Variants in MN1 observed in about 807,000 individuals in gnomAD.
MN1 encodes transcriptional activator MN1.
Under a neutral mutation model 86.9 loss-of-function variants are expected in MN1, and 19 were observed. That is an observed-to-expected ratio of 0.22 (90% CI 0.15 to 0.32). The LOEUF is 0.32. Among genes scored for constraint, MN1 ranks in the 10% least tolerant of loss-of-function variants. The probability of loss-of-function intolerance (pLI) is 1.00; values close to 1 mark genes in which losing one functional copy is unlikely to be tolerated. For synonymous variants in MN1, 928 were observed against 849.6 expected (o/e 1.09, Z -1.60); for missense variants, 1,841 against 1,862.0 (o/e 0.99, Z 0.21).
At position 27,799,042 on chromosome 22, in the gene MN1, G is replaced by A; in HGVS notation, c.1502C>T (p.Pro501Leu). ...YPGLPGEFTP[P>L]VPDSFPSGPP... is the part of the protein sequence containing the mutation. ...CCCCGAAGGGAAGCTGTCGGGCACAGGCGGTGTGAACTCGCCGGGTAGGCC... is the reference window on the plus strand; with the variant it reads ...CCCCGAAGGGAAGCTGTCGGGCACAAGCGGTGTGAACTCGCCGGGTAGGCC... Residue 501 changes from proline to leucine, a missense_variant, in exon 1 of 2, where the codon CCT becomes CTT. Coordinates refer to ENST00000302326, the MANE Select transcript of MN1 (RefSeq NM_002430.3). 1 of 1,611,882 alleles carries A rather than the reference G, an allele frequency of 6.2e-7. No homozygotes were observed. The highest frequency in any genetic ancestry group is 8.5e-7 in the Non-Finnish European group (1 of 1,179,180).
At position 27,788,471 on chromosome 22, in the gene MN1, G is replaced by A. The variant is rs899759482; in HGVS notation, c.3781+8292C>T. ...TTCAAAGCAGGCTAGGTTTTCTGCC[G>A]ACTTCCCCACCCCTTCTCTGATCAT... On this transcript the variant is annotated intron_variant, in intron 1 of 1. Coordinates refer to ENST00000302326, the MANE Select transcript of MN1 (RefSeq NM_002430.3). Among the ~76,000 whole-genome samples the A allele has an allele frequency of 3.9e-5, 6 of 151,918 alleles. No homozygotes were observed. In the East Asian group the frequency reaches 7.8e-4, roughly 20 times the overall value.
In MN1 at chr22:27,797,907, G is replaced by T. The variant is rs1211832836; in HGVS notation, c.2637C>A (p.Phe879Leu). Residue 879 changes from phenylalanine to leucine, a missense_variant, in exon 1 of 2, where the codon TTC becomes TTA. By Grantham distance (22) the Phe-to-Leu change is conservative (BLOSUM62 0). Coordinates refer to ENST00000302326, the MANE Select transcript of MN1 (RefSeq NM_002430.3). ...GGGCCCCAGGAGCAGTCCCTCCTGG[G>T]AAGTAATCCGAGCCCGGGTTGCCGG... is the stretch of plus-strand genomic sequence containing the variant. ...AVAGNPGSDYFPGGTAPGAPG... is the reference protein window; with the variant it reads ...AVAGNPGSDYLPGGTAPGAPG... The T allele has an allele frequency of 1.9e-6, 3 of 1,601,590 alleles. No homozygotes were observed. Among genetic ancestry groups the T allele is most frequent in the South Asian group, 1.1e-5 (1 of 89,978 alleles).
At chr22:27,768,917 T>A (rs1932891121) in intron 1 of MN1, among the ~76,000 whole-genome samples, 2 of 152,220 alleles carry the variant, frequency 1.3e-5, no homozygotes, top group African/African-American at 4.8e-5. Flanking sequence ...ACAGGGCCTA[T>A]GGAGGACATT....
At chr22:27,765,171 C>T (rs1277891843) in intron 1 of MN1, among the ~76,000 whole-genome samples, 3 of 152,316 alleles carry the variant, frequency 2.0e-5, no homozygotes, top group Non-Finnish European at 2.9e-5. Context: ...GAACCTGAGG[C>T]TCAGAGAGGT....
intron 1 of MN1, among the ~76,000 whole-genome samples, chr22:27,783,307 T>C (rs1381440877): frequency 6.6e-6 from 1 of 152,030 alleles, no homozygotes; most frequent in East Asian, 1.9e-4. Flanking sequence ...CATTTTTGTA[T>C]TTTTAGTAGA....
intron 1 of MN1, among the ~76,000 whole-genome samples, chr22:27,785,898 C>G (rs780429565): frequency 5.2e-4 from 79 of 152,180 alleles, no homozygotes; most frequent in Non-Finnish European, 1.9e-4. Flanking sequence ...AGGCCAGACA[C>G]CAATGTCCAT....
chr22:27,764,423 C>G (rs1352439510), intron 1 of MN1, among the ~76,000 whole-genome samples: 3 of 152,186 alleles, frequency 2.0e-5, no homozygotes, highest in African/African-American at 7.2e-5. Flanking sequence ...AGAAATCCAG[C>G]TTAGTTCCTC....
At chr22:27,785,411 C>T (rs2283847) in intron 1 of MN1, among the ~76,000 whole-genome samples, 73,913 of 152,162 alleles carry the variant, frequency 0.49, 18,800 homozygotes, top group Non-Finnish European at 0.56. Context: ...AGTCCTCCCC[C>T]ACATCTTACG....
chr22:27,753,080 G>A (rs1932779808), intron 1 of MN1, among the ~76,000 whole-genome samples: 1 of 152,252 alleles, frequency 6.6e-6, no homozygotes, highest in Non-Finnish European at 1.5e-5. Context: ...GAGCCCCAGA[G>A]ACACTCAGCT....
At chr22:27,784,196 C>G (rs1230594856) in intron 1 of MN1, among the ~76,000 whole-genome samples, 2 of 152,184 alleles carry the variant, frequency 1.3e-5, no homozygotes, top group African/African-American at 4.8e-5. Flanking sequence ...AGGGGATGCA[C>G]CTAGGGGATC....
Position 27,792,317 on chromosome 22 carries a change from CATATATATATATATAT to C in MN1, c.3781+4430_3781+4445del, listed in dbSNP as rs36207111. On this transcript the variant is annotated intron_variant, in intron 1 of 1. Transcript: ENST00000302326. ...AAAGCCCTTCAATCTATAAAAATTG[CATATATATATATATAT>C]ATATATATATATATATATGAATATA... 4.7e-4 allele frequency among the ~76,000 whole-genome samples: 54 copies of C among 114,056 alleles called. No homozygotes were observed. In the East Asian group the frequency reaches 5.1e-3, roughly 11 times the overall value. The allele number at this position is 114,056 out of a possible 152,430, so 74.8% of individuals were successfully genotyped here.
At chr22:27,756,332 C>A (rs186351771) in intron 1 of MN1, among the ~76,000 whole-genome samples, 1 of 152,188 alleles carries the variant, frequency 6.6e-6, no homozygotes, top group African/African-American at 2.4e-5. Context: ...CTAAAATCCG[C>A]GGACCAGGTT....
At chr22:27,764,897 C>G (rs1932858134) in intron 1 of MN1, among the ~76,000 whole-genome samples, 1 of 152,172 alleles carries the variant, frequency 6.6e-6, no homozygotes, top group African/African-American at 2.4e-5. Context: ...TCAAAACTGG[C>G]CCACTCCCTG....
At position 27,797,068 on chromosome 22, in the gene MN1, T is replaced by A. The variant is rs1348286073; in HGVS notation, c.3476A>T (p.Gln1159Leu). ...EIHPLEILQAQIQLQRQQFSI... is the reference protein window; with the variant it reads ...EIHPLEILQALIQLQRQQFSI... The stretch of plus-strand genomic sequence containing the variant: ...GAACTGCTGCCTCTGTAGCTGGATC[T>A]GCGCCTGAAGGATCTCCAGGGGGTG... Residue 1159 changes from glutamine (Q) to leucine (L), a missense_variant, in exon 1 of 2, where the codon CAG (glutamine) becomes CTG (leucine). Physicochemically the swap from Gln to Leu is moderately radical, Grantham distance 113. Coordinates refer to ENST00000302326, the MANE Select transcript of MN1 (RefSeq NM_002430.3). 1 of 1,612,000 alleles carries A rather than the reference T, an allele frequency of 6.2e-7. No individual in the cohort carries two copies. The highest frequency in any genetic ancestry group is 8.5e-7 in the Non-Finnish European group (1 of 1,179,532).
rs144878216 is a variant in MN1, at chr22:27,753,342, C to T, written c.3782-2246G>A. On this transcript the variant is annotated intron_variant, in intron 1 of 1. Transcript: ENST00000302326. ...TCACTTTGAAGTCACAGCCCCACTA[C>T]TGTGTGGCCAAGGCTCTACCATGTT... Among the ~76,000 whole-genome samples, 64 of 152,344 alleles carry T rather than the reference C, an allele frequency of 4.2e-4. 2 individuals are homozygous for T. The Middle Eastern group carries it at 0.027, about 65-fold the overall frequency.
In MN1 at chr22:27,751,014, G is replaced by A. The variant is rs757168083; in HGVS notation, c.3864C>T (p.Asp1288=). The A allele has an allele frequency of 2.2e-5, 36 of 1,612,912 alleles. No homozygotes were observed. Among genetic ancestry groups the A allele is most frequent in the African/African-American group, 2.7e-5 (2 of 74,904 alleles). The stretch of plus-strand genomic sequence containing the variant: ...AGGCTCGAGCCTTGGCGTCACCCAC[G>A]TCGTCTGTGCAGTGGACAGACAGGC... ...LQCLSVHCTD[D]VGDAKARASV... Residue 1288 remains aspartate (D), a synonymous_variant, in exon 2 of 2, where the codon GAC becomes GAT. Coordinates refer to ENST00000302326, the MANE Select transcript of MN1 (RefSeq NM_002430.3).
At chr22:27,752,256 A>G (rs1337578160) in intron 1 of MN1, among the ~76,000 whole-genome samples, 2 of 152,164 alleles carry the variant, frequency 1.3e-5, no homozygotes, top group African/African-American at 4.8e-5. Flanking sequence ...CAGGCTGTTG[A>G]TATGTACAAG....
Position 27,751,029 on chromosome 22 carries a change from G to A in MN1, c.3849C>T (p.Val1283=), listed in dbSNP as rs373855008. The change falls in exon 2 of 2, where the codon GTC becomes GTT. Residue 1283 remains valine (V), a synonymous_variant. Transcript: ENST00000302326. ...CGTCACCCACGTCGTCTGTGCAGTG[G>A]ACAGACAGGCACTGCAAGTGGCTGC... is the stretch of plus-strand genomic sequence containing the variant. The part of the protein sequence containing the change: ...QPGSHLQCLS[V]HCTDDVGDAK... 22 of 1,609,744 alleles carry A rather than the reference G, an allele frequency of 1.4e-5. No individual in the cohort carries two copies. The highest frequency in any genetic ancestry group is 1.9e-5 in the Non-Finnish European group (22 of 1,177,316).
chr22:27,760,004 G>A (rs113336930), intron 1 of MN1, among the ~76,000 whole-genome samples: 6,860 of 152,224 alleles, frequency 0.045, 518 homozygotes, highest in African/African-American at 0.16. Flanking sequence ...GATTGCTTAA[G>A]GCCAGGAGTT....
Sources: gnomAD v4.1 joint callset for allele counts (sites outside exome capture counted in the v4.1 genomes callset) on GRCh38, gnomAD v4.1.1 for gene constraint, MANE v1.5 for transcripts, NCBI Gene and HGNC (gene_info 2026-07-23, HGNC 2026-07-21) for gene names.